Variants in ROR1 observed in about 807,000 individuals in gnomAD.
ROR1 encodes ROR family WNT receptor 1.
A neutral mutation model predicts 78.8 loss-of-function variants in ROR1; 19 were observed. The ratio of observed to expected loss-of-function variants is 0.24; its 90% CI spans 0.17 to 0.35. The LOEUF (loss-of-function observed/expected upper bound fraction) is 0.35. Among genes scored for constraint, ROR1 ranks in the 10% least tolerant of loss-of-function variants. ROR1 has a pLI of 1.00. For missense variants in ROR1, 917 were observed against 1,177.8 expected (o/e 0.78, Z 3.24); for synonymous variants, 386 against 433.6 (o/e 0.89, Z 1.36).
At chr1:63,916,805 A>G (rs1320001856) in intron 1 of ROR1, among the ~76,000 whole-genome samples, 3 of 152,020 alleles carry the variant, frequency 2.0e-5, no homozygotes, top group African/African-American at 7.2e-5. Context: ...GGATCATTTT[A>G]CTCTCCTGCA....
At chr1:63,823,294 C>T (rs1265734783) in intron 1 of ROR1, among the ~76,000 whole-genome samples, 1 of 152,072 alleles carries the variant, frequency 6.6e-6, no homozygotes, top group Non-Finnish European at 1.5e-5. Context: ...CTCCCATCCA[C>T]CCACTCATTC....
intron 1 of ROR1, among the ~76,000 whole-genome samples, chr1:63,960,646 A>G (rs1388814740): frequency 1.3e-5 from 2 of 152,190 alleles, no homozygotes; most frequent in Non-Finnish European, 2.9e-5. Flanking sequence ...TTAAGTAATT[A>G]ACATTCCTGT....
intron 2 of ROR1, among the ~76,000 whole-genome samples, chr1:64,023,067 G>A (rs1313152109): frequency 1.3e-5 from 2 of 152,150 alleles, no homozygotes; most frequent in African/African-American, 4.8e-5. Flanking sequence ...CTGGTGACAG[G>A]CATTTTTCTG....
chr1:63,883,246 T>C (rs1645334933), intron 1 of ROR1, among the ~76,000 whole-genome samples: 1 of 152,184 alleles, frequency 6.6e-6, no homozygotes, highest in Non-Finnish European at 1.5e-5. Context: ...AAAATATCCC[T>C]ACACTGTACT....
intron 1 of ROR1, among the ~76,000 whole-genome samples, chr1:63,813,963 A>C (rs1644875051): frequency 6.6e-6 from 1 of 152,080 alleles, no homozygotes; most frequent in Non-Finnish European, 1.5e-5. Context: ...TTTTTCCCCT[A>C]TCTGCTTCTT....
At chr1:63,955,369 A>T (rs1398482433) in intron 1 of ROR1, among the ~76,000 whole-genome samples, 1 of 152,142 alleles carries the variant, frequency 6.6e-6, no homozygotes, top group Non-Finnish European at 1.5e-5. Flanking sequence ...CCCTCAGATA[A>T]CCTTATCTCA....
chr1:63,894,905 C>G (rs1645427705), intron 1 of ROR1, among the ~76,000 whole-genome samples: 1 of 152,112 alleles, frequency 6.6e-6, no homozygotes, highest in South Asian at 2.1e-4. Context: ...GCCAAGTAGA[C>G]TAAAGACCTT....
chr1:63,850,464 G>A (rs1263138015), intron 1 of ROR1, among the ~76,000 whole-genome samples: 4 of 152,252 alleles, frequency 2.6e-5, no homozygotes, highest in Non-Finnish European at 5.9e-5. Context: ...CCTTATGCCA[G>A]TGCGAGCTCC....
chr1:64,069,308 T>C (rs1447180883), intron 4 of ROR1, among the ~76,000 whole-genome samples: 1 of 152,246 alleles, frequency 6.6e-6, no homozygotes, highest in Non-Finnish European at 1.5e-5. Context: ...GTGGCATATC[T>C]TCTTCCCGTC....
In ROR1 at chr1:63,969,786, C is replaced by T. The variant is rs372912975; in HGVS notation, c.92-39519C>T. Among the ~76,000 whole-genome samples the T allele has an allele frequency of 1.5e-3, 234 of 152,180 alleles. 7 individuals carry two copies. In the South Asian group the frequency reaches 0.046, roughly 30 times the overall value. On this transcript the variant is annotated intron_variant, in intron 1 of 8. Transcript: ENST00000371079. Reference sequence around the variant, plus strand: ...ACTACCTCTCTTGAGGTTTCCCTGCCACCTGTCTTTCTCCCTTTCACATTC... The same window carrying T: ...ACTACCTCTCTTGAGGTTTCCCTGCTACCTGTCTTTCTCCCTTTCACATTC...
chr1:63,997,208 C>T (rs1056706088), intron 1 of ROR1, among the ~76,000 whole-genome samples: 3 of 152,134 alleles, frequency 2.0e-5, no homozygotes, highest in Non-Finnish European at 1.5e-5. Context: ...GTTTTTAGGG[C>T]TTGCCCAATT....
At chr1:64,058,064 T>C (rs945731456) in intron 4 of ROR1, among the ~76,000 whole-genome samples, 2 of 152,214 alleles carry the variant, frequency 1.3e-5, no homozygotes, top group African/African-American at 4.8e-5. Flanking sequence ...TTAAGTTTAT[T>C]CTTAAGTATT....
In ROR1 at chr1:64,091,268, G is replaced by C. The variant is rs375793763; in HGVS notation, c.482+40552G>C. ...AGCATCATGGGATAAGTGTGGGAAAGGTCTGACTAGAGTAGAAATACAGAT... is the reference window on the plus strand; with the variant it reads ...AGCATCATGGGATAAGTGTGGGAAACGTCTGACTAGAGTAGAAATACAGAT... On this transcript the variant is annotated intron_variant, in intron 4 of 8. Coordinates refer to ENST00000371079, the MANE Select transcript of ROR1 (RefSeq NM_005012.4). Among the ~76,000 whole-genome samples the C allele has an allele frequency of 8.5e-5, 13 of 152,220 alleles. 1 individual carries two copies. Among genetic ancestry groups the C allele is most frequent in the African/African-American group, 7.2e-5 (3 of 41,538 alleles).
chr1:64,018,311 C>A (rs539203418), intron 2 of ROR1, among the ~76,000 whole-genome samples: 42 of 152,304 alleles, frequency 2.8e-4, no homozygotes, highest in African/African-American at 9.4e-4. Flanking sequence ...CCTTCTCCAC[C>A]TTTGCTTGTT....
At chr1:63,826,977 T>C (rs1470505834) in intron 1 of ROR1, among the ~76,000 whole-genome samples, 1 of 152,102 alleles carries the variant, frequency 6.6e-6, no homozygotes, top group Non-Finnish European at 1.5e-5. Context: ...GTATACACCA[T>C]GGAACACTGT....
intron 1 of ROR1, among the ~76,000 whole-genome samples, chr1:63,867,333 T>C (rs565459845): frequency 1.3e-5 from 2 of 152,216 alleles, no homozygotes; most frequent in Non-Finnish European, 2.9e-5. Flanking sequence ...CTTCCTCCTA[T>C]GTCTTTGACC....
At chr1:63,834,467 G>A (rs961682502) in intron 1 of ROR1, among the ~76,000 whole-genome samples, 2 of 152,080 alleles carry the variant, frequency 1.3e-5, no homozygotes, top group Non-Finnish European at 2.9e-5. Flanking sequence ...GTCATAGGAG[G>A]GGTACTGCTG....
chr1:64,123,062 T>A (rs1202287844), intron 4 of ROR1, among the ~76,000 whole-genome samples: 1 of 152,180 alleles, frequency 6.6e-6, no homozygotes, highest in Non-Finnish European at 1.5e-5. Context: ...TGATGCACCA[T>A]CTTGATTAAC....
At chr1:64,106,586 G>A (rs1302797801) in intron 4 of ROR1, 2 of 152,130 alleles carry the variant, frequency 1.3e-5, no homozygotes, top group South Asian at 2.1e-4. Context: ...TATGATATTG[G>A]CTGTGGGTTT....
Sources: allele counts gnomAD v4.1 joint callset (sites outside exome capture counted in the v4.1 genomes callset), GRCh38; gene constraint gnomAD v4.1.1; transcripts MANE v1.5; gene names NCBI Gene and HGNC (gene_info 2026-07-23, HGNC 2026-07-21).